Variants in GLI3 observed in about 807,000 individuals in gnomAD.
GLI3 encodes the protein transcription activator GLI3.
GLI3 carries 20 observed loss-of-function variants against 100.8 expected under a neutral mutation model. The observed-to-expected ratio is 0.20, with a 90% CI of 0.14 to 0.29. The LOEUF is 0.29. GLI3 is among the 10% of genes least tolerant of loss of function. The pLI is 1.00. For missense variants in GLI3, 2,040 were observed against 2,128.5 expected, an observed-to-expected ratio of 0.96 and a Z score of 0.82; for synonymous variants, 938 against 860.5, an observed-to-expected ratio of 1.09 and a Z score of -1.58.
At chr7:42,027,028 G>C (rs1038472274) in intron 7 of GLI3, among the ~76,000 whole-genome samples, 1 of 152,204 alleles carries the variant, frequency 6.6e-6, no homozygotes, top group Non-Finnish European at 1.5e-5. Flanking sequence ...AATGGGCTTC[G>C]ATGGAGGAAT....
chr7:42,213,352 C>T (rs974409043), intron 2 of GLI3, among the ~76,000 whole-genome samples: 6 of 152,186 alleles, frequency 3.9e-5, no homozygotes, highest in East Asian at 3.8e-4. Flanking sequence ...ATGGTCACTT[C>T]GGGAATGAAA....
intron 5 of GLI3, among the ~76,000 whole-genome samples, chr7:42,046,178 T>C (rs1047273891): frequency 1.3e-5 from 2 of 152,222 alleles, no homozygotes; most frequent in Non-Finnish European, 2.9e-5. Context: ...AACAGGATAA[T>C]AGTCGGTTTC....
At chr7:42,075,053 G>A (rs1784852286) in intron 4 of GLI3, among the ~76,000 whole-genome samples, 3 of 152,132 alleles carry the variant, frequency 2.0e-5, no homozygotes, top group Non-Finnish European at 2.9e-5. Context: ...GGCCAATGCA[G>A]GTCAGTAATG....
chr7:42,202,119 T>C (rs1458645766), intron 2 of GLI3, among the ~76,000 whole-genome samples: 1 of 151,700 alleles, frequency 6.6e-6, no homozygotes, highest in Non-Finnish European at 1.5e-5. Context: ...TATAATCTTA[T>C]GGGACAACTG....
At chr7:42,258,867 G>T (rs758537188) in intron 1 of GLI3, among the ~76,000 whole-genome samples, 2 of 152,140 alleles carry the variant, frequency 1.3e-5, no homozygotes, top group African/African-American at 2.4e-5. Context: ...AATTTTGGGG[G>T]GACACAAACT....
intron 1 of GLI3, among the ~76,000 whole-genome samples, chr7:42,232,603 G>C (rs1485821012): frequency 2.0e-5 from 3 of 152,212 alleles, no homozygotes; most frequent in Non-Finnish European, 2.9e-5. Flanking sequence ...AAACTGGCTA[G>C]CGTTCTCTTG....
chr7:42,069,239 G>A (rs1337229672), intron 4 of GLI3, among the ~76,000 whole-genome samples: 2 of 152,170 alleles, frequency 1.3e-5, no homozygotes, highest in East Asian at 1.9e-4. Flanking sequence ...ACTGAGGACC[G>A]AATTCAGTAT....
intron 1 of GLI3, among the ~76,000 whole-genome samples, chr7:42,245,209 T>C (rs1285038916): frequency 6.6e-6 from 1 of 151,980 alleles, no homozygotes; most frequent in Non-Finnish European, 1.5e-5. Flanking sequence ...CAAGTCAGTG[T>C]GGAAGCTCCC....
At chr7:42,189,449 G>A (rs1365481836) in intron 2 of GLI3, among the ~76,000 whole-genome samples, 1 of 152,190 alleles carries the variant, frequency 6.6e-6, no homozygotes, top group Non-Finnish European at 1.5e-5. Flanking sequence ...TTCCTGTATT[G>A]AGTACTAATC....
intron 1 of GLI3, among the ~76,000 whole-genome samples, chr7:42,236,301 C>T (rs1788791475): frequency 6.6e-6 from 1 of 152,146 alleles, no homozygotes; most frequent in African/African-American, 2.4e-5. Context: ...TTGCATGGAC[C>T]ACGGTTACTT....
Position 41,964,784 on chromosome 7 carries a change from T to C in GLI3, c.4289A>G (p.His1430Arg). ...GIKMEMKGQP[H>R]PLCSNLQNYS... ...ATTCTGCAGATTAGAGCACAGCGGA[T>C]GGGGCTGCCCTTTCATCTCCATCTT... The change falls in exon 15 of 15, where the codon CAT becomes CGT. Residue 1430 changes from histidine (H) to arginine (R), a missense_variant. Physicochemically the swap from His to Arg is conservative, Grantham distance 29. Transcript: ENST00000395925. 6.2e-7 allele frequency: 1 copy of C among 1,614,032 alleles called. No individual in the cohort carries two copies. The highest frequency in any genetic ancestry group is 2.2e-5 in the East Asian group (1 of 44,882).
chr7:42,117,163 G>A (rs773380911), intron 3 of GLI3, among the ~76,000 whole-genome samples: 4 of 152,186 alleles, frequency 2.6e-5, no homozygotes, highest in African/African-American at 4.8e-5. Flanking sequence ...AGGAATATGC[G>A]ATGTTGAGAT....
chr7:42,244,085 T>C (rs1788949543), intron 1 of GLI3, among the ~76,000 whole-genome samples: 1 of 152,148 alleles, frequency 6.6e-6, no homozygotes, highest in Non-Finnish European at 1.5e-5. Flanking sequence ...CTGCCCACCT[T>C]GGCCTCCCAA....
At chr7:42,123,145 T>C (rs1322778742) in intron 3 of GLI3, among the ~76,000 whole-genome samples, 1 of 152,240 alleles carries the variant, frequency 6.6e-6, no homozygotes, top group African/African-American at 2.4e-5. Context: ...TAAATTAACA[T>C]CTTCCACTTT....
intron 3 of GLI3, among the ~76,000 whole-genome samples, chr7:42,103,121 G>C (rs1222612298): frequency 7.3e-6 from 1 of 136,152 alleles, no homozygotes; most frequent in Admixed American, 7.3e-5. Flanking sequence ...GACTGGGGGA[G>C]AGTATGTTTC....
At chr7:42,029,947 A>T (rs746415855) in intron 7 of GLI3, among the ~76,000 whole-genome samples, 75 of 152,178 alleles carry the variant, frequency 4.9e-4, no homozygotes, top group Non-Finnish European at 1.1e-3. Context: ...CGCAGTACTG[A>T]GTCAATGAGT....
chr7:42,020,624 T>C (rs989877196), intron 10 of GLI3, among the ~76,000 whole-genome samples: 1 of 152,206 alleles, frequency 6.6e-6, no homozygotes, highest in Non-Finnish European at 1.5e-5. Context: ...ATTCACAAAA[T>C]GTCCTCTCTC....
chr7:42,068,299 C>T (rs2128749416), intron 4 of GLI3, among the ~76,000 whole-genome samples: 1 of 152,370 alleles, frequency 6.6e-6, no homozygotes, highest in Admixed American at 6.5e-5. Flanking sequence ...TTTTACTGAA[C>T]TGCAACACAA....
At chr7:42,001,505 G>A (rs569718797) in intron 10 of GLI3, among the ~76,000 whole-genome samples, 3 of 152,128 alleles carry the variant, frequency 2.0e-5, no homozygotes, top group East Asian at 3.9e-4. Context: ...GATACTTGTC[G>A]ACATCCTGCA....
Sources: allele counts gnomAD v4.1 joint callset (sites outside exome capture counted in the v4.1 genomes callset), GRCh38; gene constraint gnomAD v4.1.1; transcripts MANE v1.5; gene names NCBI Gene and HGNC (gene_info 2026-07-23, HGNC 2026-07-21).